MARK3: variants seen among roughly 807,000 people sequenced by gnomAD.
The protein encoded by MARK3 is MAP/microtubule affinity-regulating kinase 3.
A neutral mutation model predicts 90.1 loss-of-function variants in MARK3; 46 were observed. That is an observed-to-expected ratio of 0.51 (90% CI 0.40 to 0.65). The LOEUF is 0.65. Ranked by LOEUF, MARK3 falls within the 30% of genes least tolerant of loss-of-function variation. The pLI is 0.00. For missense variants in MARK3, 818 were observed against 947.2 expected (o/e 0.86, Z 1.79); for synonymous variants, 321 against 332.6 (o/e 0.97, Z 0.38).
chr14:103,452,616 C>G (rs546320652), intron 5 of MARK3, among the ~76,000 whole-genome samples: 1 of 150,770 alleles, frequency 6.6e-6, no homozygotes, highest in South Asian at 2.1e-4. Flanking sequence ...GGACTACAGG[C>G]GCCCGCTACT....
intron 12 of MARK3, among the ~76,000 whole-genome samples, chr14:103,470,141 C>T (rs890570435): frequency 6.6e-6 from 1 of 151,930 alleles, no homozygotes; most frequent in Non-Finnish European, 1.5e-5. Flanking sequence ...CAGGACAGCC[C>T]TGGAGAATAT....
chr14:103,437,627 T>C (rs2092748405), intron 3 of MARK3, among the ~76,000 whole-genome samples: 6 of 152,152 alleles, frequency 3.9e-5, no homozygotes, highest in Admixed American at 1.3e-4. Context: ...TATTATGCTA[T>C]TTTAGAAAAG....
intron 7 of MARK3, among the ~76,000 whole-genome samples, chr14:103,463,683 T>C (rs1054340128): frequency 6.6e-6 from 1 of 152,172 alleles, no homozygotes; most frequent in East Asian, 1.9e-4. Context: ...CGACACTACT[T>C]TCTTATATGT....
chr14:103,425,518 A>G (rs764499468), intron 2 of MARK3, among the ~76,000 whole-genome samples: 10 of 152,006 alleles, frequency 6.6e-5, no homozygotes, highest in South Asian at 2.1e-4. Flanking sequence ...CCACCTCCCA[A>G]AGTGCTGGGA....
At chr14:103,427,497 CAAAAAA>C (rs71126021) in intron 2 of MARK3, among the ~76,000 whole-genome samples, 3 of 110,818 alleles carry the variant, frequency 2.7e-5, no homozygotes, top group East Asian at 2.9e-4. Flanking sequence ...GAGACTGTTT[CAAAAAA>C]AAAAAAAAAA....
chr14:103,434,560 C>T (rs139036754), intron 3 of MARK3, among the ~76,000 whole-genome samples: 9 of 152,304 alleles, frequency 5.9e-5, no homozygotes, highest in South Asian at 4.1e-4. Context: ...CACAACTTCT[C>T]GTCCTGGTTC....
chr14:103,471,578 T>C (rs2093625678), intron 12 of MARK3, among the ~76,000 whole-genome samples: 1 of 152,142 alleles, frequency 6.6e-6, no homozygotes, highest in Non-Finnish European at 1.5e-5. Context: ...AACTTTCACC[T>C]CATCCTCCTG....
At chr14:103,404,724 C>T (rs1393026169) in intron 1 of MARK3, among the ~76,000 whole-genome samples, 1 of 152,134 alleles carries the variant, frequency 6.6e-6, no homozygotes, top group East Asian at 1.9e-4. Flanking sequence ...TCCCCTGCTG[C>T]ACGGGCTGTA....
chr14:103,415,513 A>G (rs2091907379), intron 2 of MARK3, among the ~76,000 whole-genome samples: 1 of 152,216 alleles, frequency 6.6e-6, no homozygotes, highest in East Asian at 1.9e-4. Context: ...TTTACTATGA[A>G]TCTGGGGATG....
intron 6 of MARK3, among the ~76,000 whole-genome samples, chr14:103,461,848 C>T (rs1173728801): frequency 6.6e-6 from 1 of 152,018 alleles, no homozygotes; most frequent in Non-Finnish European, 1.5e-5. Flanking sequence ...ACCAGCCTGG[C>T]CAACGTGGTG....
intron 12 of MARK3, among the ~76,000 whole-genome samples, chr14:103,471,873 A>G (rs2093631032): frequency 6.6e-6 from 1 of 152,204 alleles, no homozygotes; most frequent in African/African-American, 2.4e-5. Context: ...ATTTGGATCA[A>G]TTTCTCACAT....
intron 1 of MARK3, among the ~76,000 whole-genome samples, chr14:103,396,102 A>G (rs2140510658): frequency 6.6e-6 from 1 of 152,254 alleles, no homozygotes; most frequent in East Asian, 1.9e-4. Flanking sequence ...TGTGTCCCCA[A>G]GCCCAGAGAC....
At chr14:103,402,502 A>G (rs1278829130) in intron 1 of MARK3, among the ~76,000 whole-genome samples, 1 of 151,826 alleles carries the variant, frequency 6.6e-6, no homozygotes, top group East Asian at 1.9e-4. Flanking sequence ...CAGTGAGCTG[A>G]GATTGCGCCA....
Position 103,396,602 on chromosome 14 carries a change from G to C in MARK3, c.52-8474G>C, listed in dbSNP as rs112767158. On this transcript the variant is annotated intron_variant, in intron 1 of 17. Coordinates refer to ENST00000429436, the MANE Select transcript of MARK3 (RefSeq NM_001128918.3). The stretch of plus-strand genomic sequence containing the variant: ...ATAAATAACAAACTAAGATTGATAG[G>C]CTTCTTGAAAAATTGGCGGTAAATT... 1.6e-3 allele frequency among the ~76,000 whole-genome samples: 237 copies of C among 152,168 alleles called. 2 individuals are homozygous for C. In the East Asian group the frequency reaches 0.022, roughly 14 times the overall value.
chr14:103,500,662 C>T (rs1342728076), intron 17 of MARK3, among the ~76,000 whole-genome samples: 2 of 151,520 alleles, frequency 1.3e-5, no homozygotes, highest in Non-Finnish European at 2.9e-5. Flanking sequence ...CACGGTGTCG[C>T]TCTGTCACCC....
intron 14 of MARK3, among the ~76,000 whole-genome samples, chr14:103,486,390 G>T (rs2093929791): frequency 6.6e-6 from 1 of 150,600 alleles, no homozygotes; most frequent in Admixed American, 6.6e-5. Context: ...AGTGAGCCGA[G>T]ATCACACCAT....
chr14:103,494,828 G>A (rs1269615766), intron 15 of MARK3, among the ~76,000 whole-genome samples: 1 of 151,948 alleles, frequency 6.6e-6, no homozygotes, highest in Non-Finnish European at 1.5e-5. Flanking sequence ...GTAGAGACCC[G>A]GTTTTATCAT....
intron 14 of MARK3, among the ~76,000 whole-genome samples, chr14:103,481,092 A>G (rs924799428): frequency 1.3e-5 from 2 of 152,240 alleles, no homozygotes; most frequent in Admixed American, 1.3e-4. Flanking sequence ...AGAGCATCCT[A>G]TCATGCACAT....
intron 13 of MARK3, among the ~76,000 whole-genome samples, chr14:103,476,586 CTAACA>C (rs915079363): frequency 2.0e-4 from 30 of 152,262 alleles, no homozygotes; most frequent in African/African-American, 4.8e-4. Flanking sequence ...TCTATCTAAC[CTAACA>C]TATTAAAGAA....
Sources: allele counts gnomAD v4.1 joint callset (sites outside exome capture counted in the v4.1 genomes callset), GRCh38; gene constraint gnomAD v4.1.1; transcripts MANE v1.5; gene names NCBI Gene and HGNC (gene_info 2026-07-23, HGNC 2026-07-21).